The following ZNF384 variants were observed in gnomAD, a reference collection of about 807,000 sequenced individuals.
ZNF384 encodes the protein CAG repeat protein 1.
A neutral mutation model predicts 65.0 loss-of-function variants in ZNF384; 20 were observed. That is an observed-to-expected ratio of 0.31 (90% CI 0.22 to 0.45). The LOEUF is 0.45. ZNF384 is among the 20% of genes least tolerant of loss of function. ZNF384 has a pLI of 1.00. For synonymous variants in ZNF384, 310 were observed against 303.9 expected (o/e 1.02, Z -0.21); for missense variants, 549 against 769.4 (o/e 0.71, Z 3.39).
At chr12:6,682,564 T>C (rs923129611) in intron 2 of ZNF384, among the ~76,000 whole-genome samples, 3 of 151,816 alleles carry the variant, frequency 2.0e-5, no homozygotes, top group Non-Finnish European at 4.4e-5. Flanking sequence ...AGGAGAATCA[T>C]TTAAGCCCGA....
Position 6,678,876 on chromosome 12 carries a change from A to G in ZNF384, c.304+70T>C, listed in dbSNP as rs1321873075. 6.5e-7 allele frequency: 1 copy of G among 1,537,622 alleles called. No homozygotes were observed. On this transcript the variant is annotated intron_variant, in intron 4 of 11. Coordinates refer to ENST00000683879, the MANE Select transcript of ZNF384 (RefSeq NM_001385745.1). The surrounding 1 kb of genome is among the most constrained non-coding windows in gnomAD (Gnocchi z 4.9). ...CATATCCCACTCCCCATGTCCTTGGAGCCCTCCAGCCTGGGGTACTGATCA... is the reference window on the plus strand; with the variant it reads ...CATATCCCACTCCCCATGTCCTTGGGGCCCTCCAGCCTGGGGTACTGATCA...
chr12:6,685,764 G>A (rs187523237), intron 2 of ZNF384, among the ~76,000 whole-genome samples: 39 of 127,174 alleles, frequency 3.1e-4, no homozygotes, highest in Middle Eastern at 5.1e-3. Context: ...GCGACAGAGC[G>A]AGACTCAGTC....
rs942572228 is a variant in ZNF384, at chr12:6,678,556, A to C, written c.353-96T>G. The C allele has an allele frequency of 9.4e-6, 13 of 1,379,300 alleles. No homozygotes were observed. The highest frequency in any genetic ancestry group is 4.5e-5 in the African/African-American group (3 of 66,880). 85.4% of individuals were successfully genotyped at this position (1,379,300 alleles called of 1,614,324 possible). ...CAGATCATTGTCTAATTAACCCCTC[A>C]CCCCCCCGCCGACCCAACCCAGAGT... On this transcript the variant is annotated intron_variant, in intron 5 of 11. Coordinates refer to ENST00000683879, the MANE Select transcript of ZNF384 (RefSeq NM_001385745.1). The surrounding 1 kb of genome is among the most constrained non-coding windows in gnomAD (Gnocchi z 4.9).
chr12:6,682,369 A>G (rs1956335521), intron 2 of ZNF384, among the ~76,000 whole-genome samples: 2 of 138,020 alleles, frequency 1.4e-5, no homozygotes, highest in African/African-American at 5.7e-5. Flanking sequence ...ACAAAACAAA[A>G]CAAAACATGC....
intron 6 of ZNF384, 147 bp from the exon 7 acceptor site, chr12:6,677,406 C>G: frequency 1.2e-6 from 1 of 811,234 alleles, no homozygotes; most frequent in Non-Finnish European, 1.6e-6. Flanking sequence ...ACTCCCCAAA[C>G]CCACTAGGGC....
intron 2 of ZNF384, among the ~76,000 whole-genome samples, chr12:6,684,452 A>G (rs1957206342): frequency 6.6e-6 from 1 of 152,246 alleles, no homozygotes; most frequent in South Asian, 2.1e-4. Context: ...TTATTCTGTG[A>G]AACCTCACTT....
rs1454028227 is a variant in ZNF384, at chr12:6,678,323, G to C, written c.490C>G (p.Leu164Val). 1.2e-6 allele frequency: 2 copies of C among 1,614,124 alleles called. No individual in the cohort carries two copies. The highest frequency in any genetic ancestry group is 1.7e-5 in the Admixed American group (1 of 60,016). ...GSQALQVVPD[L>V]SKKVASTLTE... ...AGGGTCGATGCTACCTTCTTGGAGA[G>C]GTCAGGGACAACCTGCAGGGCTTGT... Residue 164 changes from leucine (L) to valine (V), a missense_variant, in exon 6 of 12, where the codon CTC (leucine) becomes GTC (valine). Around this residue, in one of 5 missense-constraint regions of ZNF384, gnomAD observed 277 missense variants for 337.2 expected, o/e 0.82. Coordinates refer to ENST00000683879, the MANE Select transcript of ZNF384 (RefSeq NM_001385745.1). The surrounding 1 kb of genome is among the most constrained non-coding windows in gnomAD (Gnocchi z 4.9).
chr12:6,682,396 T>C (rs1048813228), intron 2 of ZNF384, among the ~76,000 whole-genome samples: 1 of 151,884 alleles, frequency 6.6e-6, no homozygotes, highest in African/African-American at 2.4e-5. Flanking sequence ...CGGTGGCTCA[T>C]GTGTGTAATC....
At chr12:6,670,148 C>A (rs1950972537) in intron 10 of ZNF384, among the ~76,000 whole-genome samples, 1 of 152,156 alleles carries the variant, frequency 6.6e-6, no homozygotes, top group African/African-American at 2.4e-5. Flanking sequence ...GACCCCTGTG[C>A]CAGGTGCGGT....
intron 2 of ZNF384, among the ~76,000 whole-genome samples, chr12:6,683,489 C>T (rs938570226): frequency 6.8e-6 from 1 of 147,942 alleles, no homozygotes; most frequent in African/African-American, 2.5e-5. Flanking sequence ...ATCACCCTGG[C>T]CAACACGGCA....
Position 6,679,138 on chromosome 12 carries a change from G to C in ZNF384, c.112C>G (p.Pro38Ala), listed in dbSNP as rs775872806. ...GGGGCCAGACCACAGCCCTTCTCTG[G>C]CAACAGCTGATCCTTCATCTTGTTG... The part of the protein sequence containing the change: ...FINKMKDQLL[P>A]EKGCGLAPPH... The change falls in exon 4 of 12, where the codon CCA becomes GCA. Residue 38 changes from proline (P) to alanine (A), a missense_variant. Physicochemically the swap from Pro to Ala is conservative, Grantham distance 27. Around this residue, in one of 5 missense-constraint regions of ZNF384, gnomAD observed 277 missense variants for 337.2 expected, o/e 0.82. Coordinates refer to ENST00000683879, the MANE Select transcript of ZNF384 (RefSeq NM_001385745.1). 6.2e-7 allele frequency: 1 copy of C among 1,605,288 alleles called. No individual in the cohort carries two copies. Among genetic ancestry groups the C allele is most frequent in the Non-Finnish European group, 8.5e-7 (1 of 1,174,498 alleles).
At position 6,672,183 on chromosome 12, in the gene ZNF384, G is replaced by A; in HGVS notation, c.1187+167C>T. The A allele has an allele frequency of 7.4e-6, 5 of 677,954 alleles. No individual in the cohort carries two copies. Among genetic ancestry groups the A allele is most frequent in the Non-Finnish European group, 1.2e-5 (5 of 409,486 alleles). 42.0% of individuals were successfully genotyped at this position (677,954 alleles called of 1,614,324 possible). ...CCCCAGAGAAGCTCTGTGTCCACTT[G>A]AATCTCCAGTGTTGTTTGGTCTTCC... On this transcript the variant is annotated intron_variant, in intron 9 of 11. Coordinates refer to ENST00000683879, the MANE Select transcript of ZNF384 (RefSeq NM_001385745.1). The surrounding 1 kb of genome is among the most constrained non-coding windows in gnomAD (Gnocchi z 4.4).
chr12:6,678,953 C>G lies in ZNF384; in HGVS notation c.297G>C (p.Met99Ile). 1 of 1,613,758 alleles carries G rather than the reference C, an allele frequency of 6.2e-7. No homozygotes were observed. The change falls in exon 4 of 12, where the codon ATG becomes ATC. Residue 99 changes from methionine to isoleucine, a missense_variant. Physicochemically the swap from Met to Ile is conservative, Grantham distance 10. Transcript: ENST00000683879. The surrounding 1 kb of genome is among the most constrained non-coding windows in gnomAD (Gnocchi z 4.9). The stretch of plus-strand genomic sequence containing the variant: ...AAGAGCAGAGTTGCTCACCAGCAGT[C>G]ATCAGTCCTGTAGACGGCACAGGGA... ...TVVPVPSTGL[M>I]TAGVSCSQRW...
intron 7 of ZNF384, among the ~76,000 whole-genome samples, chr12:6,675,480 G>A (rs751535613): frequency 1.3e-5 from 2 of 152,206 alleles, no homozygotes; most frequent in Non-Finnish European, 2.9e-5. Context: ...GCCAGGAAGG[G>A]ACTGACCAAG....
intron 11 of ZNF384, among the ~76,000 whole-genome samples, chr12:6,668,343 G>T (rs1047460509): frequency 1.3e-5 from 2 of 152,146 alleles, no homozygotes; most frequent in Admixed American, 6.5e-5. Flanking sequence ...AAAGGAATGA[G>T]CTGCTATTTT....
chr12:6,685,991 T>C (rs942514172), intron 2 of ZNF384, among the ~76,000 whole-genome samples: 2 of 152,190 alleles, frequency 1.3e-5, no homozygotes, highest in African/African-American at 4.8e-5. Flanking sequence ...TTTGTCTATC[T>C]GACCACATCC....
rs1316265970 is a variant in ZNF384, at chr12:6,667,338, G to A, written c.*376C>T. ...TGTTATCTGGGAGGGCCAGCCTCTA[G>A]TCTTACATCAGCCCAAACTTTGAGG... On this transcript the variant is annotated 3_prime_UTR_variant, in exon 12 of 12. Coordinates refer to ENST00000683879, the MANE Select transcript of ZNF384 (RefSeq NM_001385745.1). 2.4e-6 allele frequency: 1 copy of A among 421,982 alleles called. No individual in the cohort carries two copies. Among genetic ancestry groups the A allele is most frequent in the African/African-American group, 2.0e-5 (1 of 51,126 alleles). The allele number at this position is 421,982 out of a possible 1,614,324, so 26.1% of individuals were successfully genotyped here.
At position 6,667,207 on chromosome 12, in the gene ZNF384, T is replaced by A; in HGVS notation, c.*507A>T. ...CAATAGGAAGCAAAGTGAGACGATG[T>A]AGGGGAAGAAATGGCTCTCAGGGAC... On this transcript the variant is annotated 3_prime_UTR_variant, in exon 12 of 12. Coordinates refer to ENST00000683879, the MANE Select transcript of ZNF384 (RefSeq NM_001385745.1). 3.6e-6 allele frequency: 1 copy of A among 275,060 alleles called. No individual in the cohort carries two copies. The highest frequency in any genetic ancestry group is 8.4e-5 in the South Asian group (1 of 11,898). 17.0% of individuals were successfully genotyped at this position (275,060 alleles called of 1,614,324 possible). A position where few individuals can be genotyped will look rare whatever the true frequency, so the allele number is the denominator to read the frequency against.
Position 6,673,454 on chromosome 12 carries a change from G to A in ZNF384, c.780-14C>T. The A allele has an allele frequency of 5.0e-6, 8 of 1,612,396 alleles. No individual in the cohort carries two copies. Among genetic ancestry groups the A allele is most frequent in the Non-Finnish European group, 5.1e-6 (6 of 1,179,020 alleles). Reference sequence around the variant, plus strand: ...CACATCCGGCACCTGAGCCAAGTGAGGGCAATGGTTAGAACCCTTCCCATC... The same window carrying A: ...CACATCCGGCACCTGAGCCAAGTGAAGGCAATGGTTAGAACCCTTCCCATC... On this transcript the variant is annotated splice_polypyrimidine_tract_variant and intron_variant, in intron 7 of 11. Transcript: ENST00000683879. This position sits in a 1 kb window ranked among gnomAD's most constrained non-coding sequence, Gnocchi z 4.7.
Sources: allele counts gnomAD v4.1 joint callset (sites outside exome capture counted in the v4.1 genomes callset), GRCh38; gene constraint gnomAD v4.1.1; regional missense constraint gnomAD v4.1.1; non-coding constraint Gnocchi (gnomAD v3.1); transcripts MANE v1.5; gene names NCBI Gene and HGNC (gene_info 2026-07-23, HGNC 2026-07-21).